Variants in LCORL observed in about 807,000 individuals in gnomAD.
LCORL encodes the protein ligand-dependent nuclear receptor corepressor-like protein.
A neutral mutation model predicts 141.8 loss-of-function variants in LCORL; 41 were observed. That is an observed-to-expected ratio of 0.29 (90% confidence interval 0.23 to 0.38). The LOEUF (loss-of-function observed/expected upper bound fraction) is 0.38. Ranked by LOEUF, LCORL falls within the 10% of genes least tolerant of loss-of-function variation. The pLI, the probability that LCORL is intolerant of heterozygous loss-of-function variation, is 1.00. For missense variants in LCORL, 1,759 were observed against 2,035.0 expected, an observed-to-expected ratio of 0.86 and a Z score of 2.61; for synonymous variants, 618 against 694.1, an observed-to-expected ratio of 0.89 and a Z score of 1.72.
At chr4:18,011,422 C>A (rs374056869) in intron 1 of LCORL, among the ~76,000 whole-genome samples, 7 of 150,390 alleles carry the variant, frequency 4.7e-5, no homozygotes, top group African/African-American at 1.7e-4. Context: ...ATGCTTATTA[C>A]CCATTTTAAA....
intron 6 of LCORL, among the ~76,000 whole-genome samples, chr4:17,879,249 T>C (rs907384283): frequency 1.3e-5 from 2 of 151,198 alleles, no homozygotes; most frequent in East Asian, 3.9e-4. Context: ...GGAATATTTT[T>C]ATTTTGCTGC....
rs569304378 is a variant in LCORL, at chr4:17,990,990, A to T, written c.155-18105T>A. Among the ~76,000 whole-genome samples the T allele has an allele frequency of 6.6e-4, 101 of 152,242 alleles. 1 individual carries two copies. Among genetic ancestry groups the T allele is most frequent in the Non-Finnish European group, 1.2e-3 (81 of 68,050 alleles). On this transcript the variant is annotated intron_variant, in intron 1 of 7. Coordinates refer to ENST00000635767, the Ensembl canonical transcript of LCORL. The stretch of plus-strand genomic sequence containing the variant: ...CACACAGAAAAACTACCTTCAAAAA[A>T]ATAAAAATAAAAAGCTTTTTGAGAG...
chr4:17,971,888 T>A (rs1209561162), intron 2 of LCORL, among the ~76,000 whole-genome samples: 2 of 151,662 alleles, frequency 1.3e-5, no homozygotes, highest in Non-Finnish European at 3.0e-5. Flanking sequence ...GAAAATCTTT[T>A]AAGTTACTAC....
At position 17,876,068 on chromosome 4, in the gene LCORL, GACCCCTTCACTACTTTTAACCTC is replaced by G; in HGVS notation, c.2899_2921del (p.Glu967GlnfsTer19). ...TGCCAACTGAAGTTAAAGTATATTT[GACCCCTTCACTACTTTTAACCTC>G]AGATAAAAACATGAGTTTGATAGGA... On this transcript the variant is annotated frameshift_variant, in exon 7 of 8. Coordinates refer to ENST00000635767, the Ensembl canonical transcript of LCORL. LOFTEE classifies it high-confidence loss of function. 1 of 1,230,924 alleles carries G rather than the reference GACCCCTTCACTACTTTTAACCTC, an allele frequency of 8.1e-7. No individual in the cohort carries two copies. Among genetic ancestry groups the G allele is most frequent in the Non-Finnish European group, 1.0e-6 (1 of 987,178 alleles). The allele number at this position is 1,230,924 out of a possible 1,614,324, so 76.3% of individuals were successfully genotyped here.
chr4:17,974,742 TTG>T (rs1716610708), intron 1 of LCORL, among the ~76,000 whole-genome samples: 1 of 152,116 alleles, frequency 6.6e-6, no homozygotes, highest in South Asian at 2.1e-4. Flanking sequence ...GGAGCTCTCT[TTG>T]TGGTAAAATT....
intron 5 of LCORL, chr4:17,893,219 A>G (rs1729380140): frequency 1.9e-5 from 5 of 269,120 alleles, no homozygotes; most frequent in Non-Finnish European, 2.9e-5. Flanking sequence ...AACTTTCAAC[A>G]GCATTATACA....
intron 7 of LCORL, among the ~76,000 whole-genome samples, chr4:17,861,652 T>C (rs1352804070): frequency 1.3e-5 from 2 of 152,174 alleles, no homozygotes; most frequent in African/African-American, 4.8e-5. Flanking sequence ...GGTCTTTCTT[T>C]TCTATCAAAT....
At chr4:17,856,503 T>C (rs1560256213) in intron 7 of LCORL, among the ~76,000 whole-genome samples, 3 of 152,190 alleles carry the variant, frequency 2.0e-5, no homozygotes, top group African/African-American at 7.2e-5. Flanking sequence ...TCCAAAACTT[T>C]GAGAAAATAA....
chr4:17,954,564 T>C (rs1012749901), intron 4 of LCORL, among the ~76,000 whole-genome samples: 1 of 141,140 alleles, frequency 7.1e-6, no homozygotes, highest in Non-Finnish European at 1.5e-5. Context: ...ATTTTTCTTT[T>C]TGCATAGAAA....
At chr4:17,873,810 C>T in exon 7 of LCORL, 2 of 1,234,016 alleles carry the variant, frequency 1.6e-6, no homozygotes, top group Non-Finnish European at 2.0e-6. Flanking sequence ...AAATATTCTA[C>T]AGTCTTTTAA....
intron 5 of LCORL, among the ~76,000 whole-genome samples, chr4:17,892,222 T>C (rs1288276894): frequency 2.0e-5 from 3 of 149,862 alleles, no homozygotes; most frequent in African/African-American, 7.4e-5. Flanking sequence ...TTTTTTTTTT[T>C]TTTTGAGACG....
chr4:17,996,582 GA>G (rs1720951136), intron 1 of LCORL, among the ~76,000 whole-genome samples: 1 of 151,946 alleles, frequency 6.6e-6, no homozygotes, highest in Admixed American at 6.6e-5. Flanking sequence ...TGACAGATGG[GA>G]ATTTCAATTT....
At chr4:17,941,721 T>C (rs967592513) in intron 4 of LCORL, among the ~76,000 whole-genome samples, 2 of 152,186 alleles carry the variant, frequency 1.3e-5, no homozygotes, top group Admixed American at 1.3e-4. Context: ...TTTCTTCTTA[T>C]AGGAAAGCAG....
At chr4:17,881,856 G>C (rs999840860) in intron 6 of LCORL, 1 of 983,762 alleles carries the variant, frequency 1.0e-6, no homozygotes, top group Non-Finnish European at 1.2e-6. Flanking sequence ...TCCATTGGGG[G>C]AAGGGGGAAA....
At chr4:17,876,390 A>G in exon 7 of LCORL, 1 of 1,230,890 alleles carries the variant, frequency 8.1e-7, no homozygotes, top group Non-Finnish European at 1.0e-6. Context: ...ATCAATTTCT[A>G]TCAATTTCTT....
chr4:17,867,028 G>C (rs999352768), intron 7 of LCORL: 1 of 978,762 alleles, frequency 1.0e-6, no homozygotes, highest in Non-Finnish European at 1.2e-6. Flanking sequence ...TCTGGAGGCT[G>C]CAGGGAGAGA....
intron 6 of LCORL, 53 bp from the exon 7 acceptor site, chr4:17,878,266 G>A: frequency 1.7e-6 from 2 of 1,154,418 alleles, no homozygotes; most frequent in Non-Finnish European, 2.2e-6. Flanking sequence ...ACCACTATAA[G>A]GAGTTATAAT....
intron 1 of LCORL, among the ~76,000 whole-genome samples, chr4:18,011,190 T>A (rs985097801): frequency 2.6e-5 from 4 of 152,136 alleles, no homozygotes; most frequent in Non-Finnish European, 4.4e-5. Flanking sequence ...ATAGAAAGAT[T>A]ATTTTGGCTT....
exon 8 of LCORL, chr4:17,843,060 T>G (rs1043800479): frequency 6.5e-5 from 19 of 292,400 alleles, no homozygotes; most frequent in African/African-American, 3.7e-4. Context: ...TTTTTTCCTG[T>G]ATAACACCAG....
Sources: gnomAD v4.1 joint callset for allele counts (sites outside exome capture counted in the v4.1 genomes callset) on GRCh38, gnomAD v4.1.1 for gene constraint, MANE v1.5 for transcripts, NCBI Gene and HGNC (gene_info 2026-07-23, HGNC 2026-07-21) for gene names.